The following AGAP1 variants were observed in gnomAD, a reference collection of about 807,000 sequenced individuals.
AGAP1 encodes the protein arf-GAP with GTPase, ANK repeat and PH domain-containing protein 1.
In AGAP1, 29 loss-of-function variants were observed where a neutral mutation model predicts 105.3. The ratio of observed to expected loss-of-function variants is 0.28; its 90% confidence interval spans 0.21 to 0.38. The LOEUF is 0.38. Among genes scored for constraint, AGAP1 ranks in the 10% least tolerant of loss-of-function variants. AGAP1 has a pLI of 1.00. For synonymous variants in AGAP1, 509 were observed against 485.9 expected (o/e 1.05, Z -0.63); for missense variants, 998 against 1,165.1 (o/e 0.86, Z 2.09).
At chr2:235,591,914 C>A (rs1360541256) in intron 1 of AGAP1, among the ~76,000 whole-genome samples, 1 of 150,210 alleles carries the variant, frequency 6.7e-6, no homozygotes, top group Non-Finnish European at 1.5e-5. Context: ...GCTCCCCCTT[C>A]GTCTTCCCAC....
At chr2:235,627,253 C>T (rs370848193) in intron 1 of AGAP1, among the ~76,000 whole-genome samples, 13 of 126,982 alleles carry the variant, frequency 1.0e-4, no homozygotes, top group East Asian at 7.4e-4. Flanking sequence ...AGTGCAGTGG[C>T]GCGATCTTGG....
rs1274471004 is a variant in AGAP1 at position 235,901,402 on chromosome 2, T to C, written c.1156-7336T>C. Among the ~76,000 whole-genome samples, 2 of 152,180 alleles carry C rather than the reference T, an allele frequency of 1.3e-5. No homozygotes were observed. The highest frequency in any genetic ancestry group is 2.9e-5 in the Non-Finnish European group (2 of 68,030). On this transcript the variant is annotated intron_variant, in intron 10 of 17. Coordinates refer to ENST00000304032, the MANE Select transcript of AGAP1 (RefSeq NM_001037131.3). The surrounding 1 kb of genome is among the most constrained non-coding windows in gnomAD (Gnocchi z 4.3). ...AAAATAGGGAATAATGAGTCATTCT[T>C]TTCCTCCAGGAGAAGGAGGAACAAA...
At position 235,494,858 on chromosome 2, in the gene AGAP1, C is replaced by T. The variant is rs764994525; in HGVS notation, c.163+9C>T. On this transcript the variant is annotated intron_variant, in intron 1 of 17. Coordinates refer to ENST00000304032, the MANE Select transcript of AGAP1 (RefSeq NM_001037131.3). The stretch of plus-strand genomic sequence containing the variant: ...CGTCATCGCCATCGAAGGTGAGGGC[C>T]GGGCCGCCTTGGGGCCTCGGGAAGG... 16 of 1,561,208 alleles carry T rather than the reference C, an allele frequency of 1.0e-5. No homozygotes were observed. Among genetic ancestry groups the T allele is most frequent in the South Asian group, 2.3e-5 (2 of 86,938 alleles).
rs938457515 is a variant in AGAP1 at position 236,123,150 on chromosome 2, G to T, written c.2371-769G>T. ...GTGCAGTGGTGTGATGTCGGCCCAC[G>T]GCAGCCTCTGCCTCCTAGGCTCAAG... On this transcript the variant is annotated intron_variant, in intron 17 of 17. Coordinates refer to ENST00000304032, the MANE Select transcript of AGAP1 (RefSeq NM_001037131.3). The surrounding 1 kb of genome is among the most constrained non-coding windows in gnomAD (Gnocchi z 4.6). 1.3e-5 allele frequency among the ~76,000 whole-genome samples: 2 copies of T among 151,870 alleles called. No homozygotes were observed. Among genetic ancestry groups the T allele is most frequent in the Admixed American group, 6.6e-5 (1 of 15,250 alleles).
In AGAP1 at chr2:236,128,087, C is replaced by CT. The variant is rs918934840; in HGVS notation, c.*3965_*3966insT. 1 of 150,480 alleles carries CT rather than the reference C, an allele frequency of 6.6e-6. No homozygotes were observed. The highest frequency in any genetic ancestry group is 1.9e-4 in the East Asian group (1 of 5,138). The allele number at this position is 150,480 out of a possible 1,614,324, so 9.3% of individuals were successfully genotyped here. On this transcript the variant is annotated 3_prime_UTR_variant, in exon 18 of 18. Coordinates refer to ENST00000304032, the MANE Select transcript of AGAP1 (RefSeq NM_001037131.3). This position sits in a 1 kb window ranked among gnomAD's most constrained non-coding sequence, Gnocchi z 5.9. ...GGCACGTTTGCCAACCCCCCCCCCC[C>CT]AGTAGAGCCCAGGACCCTCCTCTCT...
intron 1 of AGAP1, among the ~76,000 whole-genome samples, chr2:235,702,157 G>A (rs532092123): frequency 6.6e-6 from 1 of 152,218 alleles, no homozygotes; most frequent in African/African-American, 2.4e-5. Context: ...CTGGGCTGGG[G>A]GTGAACGTGA....
intron 14 of AGAP1, among the ~76,000 whole-genome samples, chr2:236,039,003 A>G (rs932292116): frequency 7.9e-5 from 12 of 152,218 alleles, no homozygotes; most frequent in Admixed American, 2.6e-4. Context: ...AGCAAGTAAT[A>G]TATTATTTCA....
chr2:235,498,711 GCCAGGCGGCCCGATTC>G (rs1941430899), intron 1 of AGAP1, among the ~76,000 whole-genome samples: 1 of 152,206 alleles, frequency 6.6e-6, no homozygotes, highest in Admixed American at 6.5e-5. Flanking sequence ...AGCTCATTCA[GCCAGGCGGCCCGATTC>G]CCAGGTTCCC....
intron 9 of AGAP1, among the ~76,000 whole-genome samples, chr2:235,849,779 G>A (rs990565651): frequency 1.3e-5 from 2 of 152,180 alleles, no homozygotes; most frequent in East Asian, 1.9e-4. Flanking sequence ...GCCTTTCCCT[G>A]CTCCACCGTC....
intron 9 of AGAP1, among the ~76,000 whole-genome samples, chr2:235,846,071 C>T (rs967526011): frequency 5.9e-5 from 9 of 152,086 alleles, no homozygotes; most frequent in Admixed American, 4.6e-4. Flanking sequence ...CTCACCATTG[C>T]AGTTACCATA....
chr2:235,750,278 C>A lies in AGAP1; in HGVS notation c.539-76C>A. The A allele has an allele frequency of 6.3e-7, 1 of 1,583,786 alleles. No homozygotes were observed. The highest frequency in any genetic ancestry group is 1.1e-5 in the South Asian group (1 of 89,240). On this transcript the variant is annotated intron_variant, in intron 5 of 17. Transcript: ENST00000304032. The surrounding 1 kb of genome is among the most constrained non-coding windows in gnomAD (Gnocchi z 5.3). Reference sequence around the variant, plus strand: ...TCTGCTGAGTAAGGTACTGGTTTTCCGTGTTGTGGGGAGTGTAGGAAGTAT... The same window carrying A: ...TCTGCTGAGTAAGGTACTGGTTTTCAGTGTTGTGGGGAGTGTAGGAAGTAT...
At chr2:235,840,961 G>T (rs1960760043) in intron 9 of AGAP1, among the ~76,000 whole-genome samples, 1 of 152,014 alleles carries the variant, frequency 6.6e-6, no homozygotes. Context: ...AGAGAAGCGG[G>T]AAAGAAACTT....
At chr2:235,779,131 C>T (rs945820180) in intron 6 of AGAP1, among the ~76,000 whole-genome samples, 4 of 152,228 alleles carry the variant, frequency 2.6e-5, no homozygotes, top group Non-Finnish European at 5.9e-5. Context: ...AACCTATGAA[C>T]ATTTACCAAG....
chr2:235,509,289 C>T (rs34253296), intron 1 of AGAP1, among the ~76,000 whole-genome samples: 2,268 of 152,166 alleles, frequency 0.015, 22 homozygotes, highest in Non-Finnish European at 0.024. Context: ...TGCAGTGGTG[C>T]GATCTCTGCT....
intron 13 of AGAP1, 30 bp downstream of exon 13, chr2:235,968,653 G>A: frequency 6.3e-7 from 1 of 1,584,186 alleles, no homozygotes; most frequent in East Asian, 2.3e-5. Flanking sequence ...CCGGGAGAGA[G>A]TCTCCACTGC....
intron 16 of AGAP1, among the ~76,000 whole-genome samples, chr2:236,066,398 G>C (rs986566517): frequency 6.6e-6 from 1 of 152,022 alleles, no homozygotes; most frequent in Non-Finnish European, 1.5e-5. Flanking sequence ...GTTCATTTTC[G>C]TATTTTTAGT....
intron 16 of AGAP1, among the ~76,000 whole-genome samples, chr2:236,079,355 C>CA (rs1375674432): frequency 8.6e-6 from 1 of 116,498 alleles, no homozygotes; most frequent in African/African-American, 3.4e-5. Context: ...TCTGTCTCTA[C>CA]AAAAAAAGAA....
rs1379750408 is a variant in AGAP1 at position 235,799,023 on chromosome 2, CA to C, written c.802-343del. The stretch of plus-strand genomic sequence containing the variant: ...TGCTGATCTAGAGCAGTGGAGGGAC[CA>C]TAGAATCCCTTTAGTTTAACCAACC... On this transcript the variant is annotated intron_variant, in intron 7 of 17. Coordinates refer to ENST00000304032, the MANE Select transcript of AGAP1 (RefSeq NM_001037131.3). The surrounding 1 kb of genome is among the most constrained non-coding windows in gnomAD (Gnocchi z 5.0). Among the ~76,000 whole-genome samples, 1 of 152,066 alleles carries C rather than the reference CA, an allele frequency of 6.6e-6. No homozygotes were observed. Among genetic ancestry groups the C allele is most frequent in the Non-Finnish European group, 1.5e-5 (1 of 68,022 alleles).
chr2:235,752,948 G>A lies in AGAP1; in HGVS notation c.673+2460G>A, dbSNP rs1355363777. 6.6e-5 allele frequency among the ~76,000 whole-genome samples: 10 copies of A among 152,158 alleles called. No homozygotes were observed. ...TGCTGGTGGGTGTGGTGTCTGCTGAGGGCCATCCTCCTAGTGGGATATGTG... is the reference window on the plus strand; with the variant it reads ...TGCTGGTGGGTGTGGTGTCTGCTGAAGGCCATCCTCCTAGTGGGATATGTG... On this transcript the variant is annotated intron_variant, in intron 6 of 17. Transcript: ENST00000304032. The surrounding 1 kb of genome is among the most constrained non-coding windows in gnomAD (Gnocchi z 4.3).
Sources: allele counts gnomAD v4.1 joint callset (sites outside exome capture counted in the v4.1 genomes callset), GRCh38; gene constraint gnomAD v4.1.1; non-coding constraint Gnocchi (gnomAD v3.1); transcripts MANE v1.5; gene names NCBI Gene and HGNC (gene_info 2026-07-23, HGNC 2026-07-21).